Variants in PPP4R4 observed in about 807,000 individuals in gnomAD.
PPP4R4 encodes the protein protein phosphatase 4 regulatory subunit 4.
PPP4R4 carries 70 observed loss-of-function variants against 121.8 expected under a neutral mutation model. The ratio of observed to expected loss-of-function variants is 0.57; its 90% CI spans 0.47 to 0.70. The LOEUF is 0.70. Ranked by LOEUF, PPP4R4 falls within the 30% of genes least tolerant of loss-of-function variation. The pLI, the probability that PPP4R4 is intolerant of heterozygous loss-of-function variation, is 0.00. For missense variants in PPP4R4, 875 were observed against 1,033.6 expected (o/e 0.85, Z 2.10); for synonymous variants, 348 against 355.7 (o/e 0.98, Z 0.24).
chr14:94,273,325 A>G (rs974751717), intron 23 of PPP4R4, among the ~76,000 whole-genome samples: 2 of 152,202 alleles, frequency 1.3e-5, no homozygotes, highest in Non-Finnish European at 2.9e-5. Flanking sequence ...CAGGCCATGA[A>G]AAGACATGAA....
intron 2 of PPP4R4, among the ~76,000 whole-genome samples, chr14:94,184,284 C>T (rs1355014931): frequency 2.0e-5 from 3 of 151,766 alleles, no homozygotes; most frequent in Non-Finnish European, 2.9e-5. Flanking sequence ...TTTTGAGACA[C>T]GGTCTTGCTC....
intron 9 of PPP4R4, 26 bp downstream of exon 9, chr14:94,240,821 G>A: frequency 6.8e-7 from 1 of 1,474,064 alleles, no homozygotes; most frequent in Non-Finnish European, 9.0e-7. Context: ...AGAATTTTGA[G>A]ACTGTAGATA....
intron 23 of PPP4R4, among the ~76,000 whole-genome samples, chr14:94,272,047 T>C (rs187420598): frequency 6.6e-6 from 1 of 152,352 alleles, no homozygotes; most frequent in African/African-American, 2.4e-5. Flanking sequence ...CTCATGTTCA[T>C]TGCTAGAAAT....
At chr14:94,251,949 A>C in intron 16 of PPP4R4, 53 bp downstream of exon 16, 1 of 1,415,784 alleles carries the variant, frequency 7.1e-7, no homozygotes, top group Non-Finnish European at 9.6e-7. Flanking sequence ...TTTATCTACT[A>C]TAGTGAACAT....
chr14:94,227,303 C>T, intron 3 of PPP4R4: 3 of 1,611,898 alleles, frequency 1.9e-6, no homozygotes, highest in South Asian at 2.2e-5. Context: ...AGGATGCACA[C>T]TTATTTATCC....
At chr14:94,254,950 C>T (rs1052247247) in intron 16 of PPP4R4, among the ~76,000 whole-genome samples, 1 of 152,170 alleles carries the variant, frequency 6.6e-6, no homozygotes, top group Non-Finnish European at 1.5e-5. Context: ...GTCCTTTTAT[C>T]CTTTTCTTCT....
chr14:94,238,951 A>T (rs1892484628), intron 8 of PPP4R4, among the ~76,000 whole-genome samples: 1 of 152,190 alleles, frequency 6.6e-6, no homozygotes, highest in Non-Finnish European at 1.5e-5. Context: ...GCTCCAAACT[A>T]GAACCTTGCC....
Position 94,241,772 on chromosome 14 carries a change from T to C in PPP4R4, c.977-16T>C. 1 of 1,525,602 alleles carries C rather than the reference T, an allele frequency of 6.6e-7. No individual in the cohort carries two copies. Among genetic ancestry groups the C allele is most frequent in the Non-Finnish European group, 8.8e-7 (1 of 1,138,802 alleles). The allele number at this position is 1,525,602 out of a possible 1,614,324, so 94.5% of individuals were successfully genotyped here. A position where few individuals can be genotyped will look rare whatever the true frequency, so the allele number is the denominator to read the frequency against. On this transcript the variant is annotated splice_polypyrimidine_tract_variant and intron_variant, in intron 9 of 24. Coordinates refer to ENST00000304338, the MANE Select transcript of PPP4R4 (RefSeq NM_058237.2). ...TTCAATTGAAATGTTGAGCTAGTTT[T>C]TTATATTTGTTTTAGGAATTTTCAC...
At chr14:94,253,813 G>T (rs1289397997) in intron 16 of PPP4R4, among the ~76,000 whole-genome samples, 1 of 152,194 alleles carries the variant, frequency 6.6e-6, no homozygotes, top group African/African-American at 2.4e-5. Context: ...TGCCTGGCCA[G>T]CTGCCAGCCA....
intron 14 of PPP4R4, among the ~76,000 whole-genome samples, chr14:94,248,474 C>G (rs1297663984): frequency 6.6e-6 from 1 of 152,130 alleles, no homozygotes. Flanking sequence ...GTTAAAATGA[C>G]CATATTGCCC....
chr14:94,258,717 T>A (rs1246682758), intron 17 of PPP4R4, 66 bp from the exon 18 acceptor site: 1 of 1,198,290 alleles, frequency 8.3e-7, no homozygotes, highest in East Asian at 2.5e-5. Context: ...CAAAATAAGT[T>A]GCTGAGAAAT....
At chr14:94,272,278 C>A (rs1487157388) in intron 23 of PPP4R4, among the ~76,000 whole-genome samples, 1 of 152,114 alleles carries the variant, frequency 6.6e-6, no homozygotes, top group African/African-American at 2.4e-5. Flanking sequence ...CTACAGCGAT[C>A]AAGACAGTGT....
rs2139680946 is a variant in PPP4R4 at position 94,278,757 on chromosome 14, TG to T, written c.*115del. ...TTTTTAAATTTTGGGTTTTTTTTTT[TG>T]TTGTTGTTAATGAGCAGAAAGAGAG... On this transcript the variant is annotated 3_prime_UTR_variant, in exon 25 of 25. Transcript: ENST00000304338. 7.9e-5 allele frequency: 81 copies of T among 1,021,532 alleles called. No homozygotes were observed. The highest frequency in any genetic ancestry group is 1.5e-4 in the South Asian group (6 of 40,448). 63.3% of individuals were successfully genotyped at this position (1,021,532 alleles called of 1,614,324 possible).
intron 16 of PPP4R4, 97 bp downstream of exon 16, chr14:94,251,993 T>A: frequency 9.0e-7 from 1 of 1,109,510 alleles, no homozygotes; most frequent in Non-Finnish European, 1.3e-6. Context: ...ATTAAAAACT[T>A]AAGTCAAGAA....
chr14:94,232,559 A>G (rs1393910041), intron 5 of PPP4R4, among the ~76,000 whole-genome samples: 1 of 152,236 alleles, frequency 6.6e-6, no homozygotes, highest in Non-Finnish European at 1.5e-5. Flanking sequence ...ATATTATTTA[A>G]CATGTGGTTT....
intron 2 of PPP4R4, among the ~76,000 whole-genome samples, chr14:94,202,359 A>G (rs140976659): frequency 1.8e-4 from 27 of 152,360 alleles, no homozygotes; most frequent in African/African-American, 6.5e-4. Flanking sequence ...TTTGTTAAAA[A>G]TTACATAAAA....
intron 3 of PPP4R4, among the ~76,000 whole-genome samples, chr14:94,229,593 G>A (rs1405191141): frequency 1.3e-5 from 2 of 152,114 alleles, no homozygotes; most frequent in African/African-American, 4.8e-5. Flanking sequence ...AATCACAAAA[G>A]TTCTGTTTAA....
In PPP4R4 at chr14:94,242,386, C is replaced by T; in HGVS notation, c.1244C>T (p.Thr415Ile). Reference protein sequence around the residue: ...CHDPEVPVRYTIAICFYEVSK... With the variant: ...CHDPEVPVRYIIAICFYEVSK... ...GACCCTGAAGTACCAGTCAGATACA[C>T]TATTGCTATTTGCTTTTATGAAGTA... The change falls in exon 11 of 25, where the codon ACT becomes ATT. Residue 415 changes from threonine to isoleucine, a missense_variant. Transcript: ENST00000304338. The T allele has an allele frequency of 1.2e-6, 2 of 1,610,148 alleles. No individual in the cohort carries two copies. The highest frequency in any genetic ancestry group is 1.7e-6 in the Non-Finnish European group (2 of 1,176,698).
At chr14:94,190,525 C>CG (rs1889536328) in intron 2 of PPP4R4, among the ~76,000 whole-genome samples, 2 of 151,904 alleles carry the variant, frequency 1.3e-5, no homozygotes. Context: ...TGCTTGACCC[C>CG]GGGAGGCAGA....
Sources: allele counts gnomAD v4.1 joint callset (sites outside exome capture counted in the v4.1 genomes callset), GRCh38; gene constraint gnomAD v4.1.1; transcripts MANE v1.5; gene names NCBI Gene and HGNC (gene_info 2026-07-23, HGNC 2026-07-21).